The following ST6GALNAC3 variants were observed in gnomAD, a reference collection of about 807,000 sequenced individuals.
ST6GALNAC3 encodes alpha-N-acetylgalactosaminide alpha-2,6-sialyltransferase 3.
ST6GALNAC3 carries 25 observed loss-of-function variants against 32.7 expected under a neutral mutation model. That is an observed-to-expected ratio of 0.76 (90% confidence interval 0.56 to 1.07). The LOEUF is 1.07. ST6GALNAC3 is among the 50% of genes least tolerant of loss of function. The pLI, the probability that ST6GALNAC3 is intolerant of heterozygous loss-of-function variation, is 0.00. For synonymous variants in ST6GALNAC3, 129 were observed against 133.1 expected (o/e 0.97, Z 0.21); for missense variants, 355 against 382.4 (o/e 0.93, Z 0.60).
At chr1:76,488,630 G>A (rs1660291260) in intron 3 of ST6GALNAC3, among the ~76,000 whole-genome samples, 1 of 152,154 alleles carries the variant, frequency 6.6e-6, no homozygotes, top group Non-Finnish European at 1.5e-5. Context: ...TCAAGACATT[G>A]TAAAATAATT....
At chr1:76,356,276 T>A (rs1405934113) in intron 2 of ST6GALNAC3, among the ~76,000 whole-genome samples, 1 of 152,156 alleles carries the variant, frequency 6.6e-6, no homozygotes. Context: ...ATGTTGCCTG[T>A]TGTCTTCAAA....
At chr1:76,382,150 G>GA (rs1255887116) in intron 2 of ST6GALNAC3, among the ~76,000 whole-genome samples, 1 of 152,044 alleles carries the variant, frequency 6.6e-6, no homozygotes, top group African/African-American at 2.4e-5. Context: ...CTGTCTTCCA[G>GA]AAAAAAGTGG....
intron 3 of ST6GALNAC3, among the ~76,000 whole-genome samples, chr1:76,493,031 C>CTTT (rs141388563): frequency 6.9e-6 from 1 of 145,222 alleles, no homozygotes; most frequent in Admixed American, 6.9e-5. Context: ...TTGACACCTT[C>CTTT]TTTTTTTTTT....
At chr1:76,296,770 G>A (rs1660429157) in intron 1 of ST6GALNAC3, among the ~76,000 whole-genome samples, 1 of 151,950 alleles carries the variant, frequency 6.6e-6, no homozygotes, top group South Asian at 2.1e-4. Flanking sequence ...AGAAAGAAAG[G>A]CATTGTGTTA....
intron 3 of ST6GALNAC3, among the ~76,000 whole-genome samples, chr1:76,550,563 A>C (rs149803502): frequency 6.6e-6 from 1 of 152,200 alleles, no homozygotes; most frequent in East Asian, 1.9e-4. Flanking sequence ...ATATTATTGC[A>C]TAGGGTTAGG....
At chr1:76,266,360 G>A (rs796717556) in intron 1 of ST6GALNAC3, among the ~76,000 whole-genome samples, 5 of 152,086 alleles carry the variant, frequency 3.3e-5, no homozygotes, top group East Asian at 1.9e-4. Context: ...CTTTACTGCC[G>A]AAACTCTCGC....
At chr1:76,103,363 T>C (rs1028722441) in intron 1 of ST6GALNAC3, among the ~76,000 whole-genome samples, 14 of 152,186 alleles carry the variant, frequency 9.2e-5, no homozygotes, top group Non-Finnish European at 8.8e-5. Flanking sequence ...CACTGTATCC[T>C]GTAGTGTCTT....
At chr1:76,188,692 A>G (rs745585987) in intron 1 of ST6GALNAC3, among the ~76,000 whole-genome samples, 1 of 152,212 alleles carries the variant, frequency 6.6e-6, no homozygotes, top group Non-Finnish European at 1.5e-5. Flanking sequence ...AACATAAACA[A>G]TTGATTAATA....
At chr1:76,393,733 G>A (rs559656660) in intron 2 of ST6GALNAC3, among the ~76,000 whole-genome samples, 1 of 152,158 alleles carries the variant, frequency 6.6e-6, no homozygotes, top group Non-Finnish European at 1.5e-5. Context: ...TAAAATGTGT[G>A]TAATTGTGCT....
At chr1:76,431,604 A>T (rs951361993) in intron 3 of ST6GALNAC3, among the ~76,000 whole-genome samples, 1 of 152,166 alleles carries the variant, frequency 6.6e-6, no homozygotes, top group Non-Finnish European at 1.5e-5. Flanking sequence ...AATCTCTTTC[A>T]TGCTGGTTCT....
intron 1 of ST6GALNAC3, among the ~76,000 whole-genome samples, chr1:76,202,473 A>G (rs1447486396): frequency 6.6e-6 from 1 of 152,156 alleles, no homozygotes; most frequent in Non-Finnish European, 1.5e-5. Flanking sequence ...AGAAGAGTGA[A>G]GAGCACCCCA....
intron 3 of ST6GALNAC3, among the ~76,000 whole-genome samples, chr1:76,505,985 T>C (rs1443896868): frequency 6.6e-6 from 1 of 152,188 alleles, no homozygotes; most frequent in African/African-American, 2.4e-5. Flanking sequence ...GTTCATCTCC[T>C]ACCTTGAGAC....
chr1:76,244,167 C>T (rs1341334713), intron 1 of ST6GALNAC3, among the ~76,000 whole-genome samples: 1 of 151,768 alleles, frequency 6.6e-6, no homozygotes, highest in Non-Finnish European at 1.5e-5. Flanking sequence ...CTTCTTGTTC[C>T]TTGTAAGTTA....
intron 3 of ST6GALNAC3, among the ~76,000 whole-genome samples, chr1:76,482,876 T>G (rs1320877991): frequency 1.2e-5 from 1 of 83,318 alleles, no homozygotes; most frequent in Non-Finnish European, 2.4e-5. Flanking sequence ...CCCTCCCCCC[T>G]CCCCCCACCC....
chr1:76,176,742 G>A (rs1398179847), intron 1 of ST6GALNAC3, among the ~76,000 whole-genome samples: 1 of 152,052 alleles, frequency 6.6e-6, no homozygotes, highest in Admixed American at 6.5e-5. Flanking sequence ...AATATTTAAA[G>A]AACAGAGATT....
chr1:76,583,535 C>T lies in ST6GALNAC3; in HGVS notation c.624-43917C>T, dbSNP rs1646920123. ...TTGCCCAACAGTTGTTTGAAAAATT[C>T]CTAGAAGAAGAAACTAAGGTTGAAT... On this transcript the variant is annotated intron_variant, in intron 3 of 4. Transcript: ENST00000328299. 2.8e-5 allele frequency among the ~76,000 whole-genome samples: 4 copies of T among 143,212 alleles called. No individual in the cohort carries two copies. In the South Asian group the frequency reaches 8.7e-4, roughly 31 times the overall value. The allele number at this position is 143,212 out of a possible 152,430, so 94.0% of individuals were successfully genotyped here. A position where few individuals can be genotyped will look rare whatever the true frequency, so the allele number is the denominator to read the frequency against.
intron 1 of ST6GALNAC3, among the ~76,000 whole-genome samples, chr1:76,137,752 C>G (rs1650041845): frequency 6.6e-6 from 1 of 152,168 alleles, no homozygotes. Flanking sequence ...AGGCTAGGAA[C>G]CCTTCCAAGA....
intron 2 of ST6GALNAC3, among the ~76,000 whole-genome samples, chr1:76,361,023 A>G (rs967908937): frequency 2.6e-5 from 4 of 152,170 alleles, no homozygotes; most frequent in East Asian, 1.9e-4. Context: ...GATGAATTAA[A>G]TGTAAATAAG....
intron 2 of ST6GALNAC3, among the ~76,000 whole-genome samples, chr1:76,363,476 C>T (rs1449359006): frequency 6.6e-6 from 1 of 152,200 alleles, no homozygotes; most frequent in Admixed American, 6.5e-5. Flanking sequence ...ATCGGAAGTT[C>T]CAAACATTCC....
Sources: gnomAD v4.1 joint callset for allele counts (sites outside exome capture counted in the v4.1 genomes callset) on GRCh38, gnomAD v4.1.1 for gene constraint, MANE v1.5 for transcripts, NCBI Gene and HGNC (gene_info 2026-07-23, HGNC 2026-07-21) for gene names.